TBC1D22A: variants seen among roughly 807,000 people sequenced by gnomAD.
The protein encoded by TBC1D22A is TBC1 domain family member 22A, also known as putative GTPase activator.
TBC1D22A carries 38 observed loss-of-function variants against 60.2 expected under a neutral mutation model. The ratio of observed to expected loss-of-function variants is 0.63; its 90% CI spans 0.49 to 0.83. The LOEUF (loss-of-function observed/expected upper bound fraction) is 0.83. TBC1D22A is among the 40% of genes least tolerant of loss of function. The pLI, the probability that TBC1D22A is intolerant of heterozygous loss-of-function variation, is 0.00. For synonymous variants in TBC1D22A, 302 were observed against 281.7 expected (o/e 1.07, Z -0.72); for missense variants, 628 against 701.0 (o/e 0.90, Z 1.18).
intron 11 of TBC1D22A, among the ~76,000 whole-genome samples, chr22:47,109,497 G>A (rs183136111): frequency 1.7e-4 from 26 of 152,222 alleles, no homozygotes; most frequent in Non-Finnish European, 2.8e-4. Flanking sequence ...CCTGTGGGTC[G>A]TTCAGTCCTT....
rs1007786153 is a variant in TBC1D22A at position 46,812,159 on chromosome 22, C to T, written c.637+14539C>T. On this transcript the variant is annotated intron_variant, in intron 4 of 12. Transcript: ENST00000337137. ...TATCCTGCTGTAGGGCTGGAAGTGA[C>T]GTGGGGGTGACACTTTGAAATTCAG... Among the ~76,000 whole-genome samples, 13 of 152,168 alleles carry T rather than the reference C, an allele frequency of 8.5e-5. No homozygotes were observed. The East Asian group carries it at 9.7e-4, about 11-fold the overall frequency.
intron 2 of TBC1D22A, 186 bp downstream of exon 2, chr22:46,792,762 G>A (rs752584729): frequency 8.8e-6 from 13 of 1,471,288 alleles, no homozygotes; most frequent in South Asian, 4.0e-5. Flanking sequence ...TGCGCATCCC[G>A]GTGAAGACGG....
chr22:47,079,207 C>T (rs1406280884), intron 11 of TBC1D22A, among the ~76,000 whole-genome samples: 3 of 151,726 alleles, frequency 2.0e-5, no homozygotes, highest in Non-Finnish European at 4.4e-5. Context: ...CTGTCTCAGC[C>T]TTCCTAGTTA....
chr22:47,059,729 C>G (rs932251025), intron 11 of TBC1D22A, among the ~76,000 whole-genome samples: 1 of 152,184 alleles, frequency 6.6e-6, no homozygotes, highest in African/African-American at 2.4e-5. Flanking sequence ...TGCCTGAGCT[C>G]CAGCAGCATC....
intron 4 of TBC1D22A, among the ~76,000 whole-genome samples, chr22:46,853,414 G>GA (rs1277615169): frequency 1.3e-5 from 2 of 152,068 alleles, no homozygotes; most frequent in Non-Finnish European, 1.5e-5. Flanking sequence ...TTGAACATTT[G>GA]AAAAAAATGT....
intron 11 of TBC1D22A, among the ~76,000 whole-genome samples, chr22:47,086,992 G>A (rs1202271979): frequency 6.6e-6 from 1 of 152,184 alleles, no homozygotes; most frequent in Non-Finnish European, 1.5e-5. Context: ...CTGCCACCCC[G>A]CAACTGGAGT....
At chr22:46,834,444 C>A (rs1280404407) in intron 4 of TBC1D22A, among the ~76,000 whole-genome samples, 1 of 152,038 alleles carries the variant, frequency 6.6e-6, no homozygotes, top group Non-Finnish European at 1.5e-5. Flanking sequence ...TCCATAACAC[C>A]CCTCCCTGAA....
intron 11 of TBC1D22A, among the ~76,000 whole-genome samples, chr22:47,067,684 A>G (rs1224770468): frequency 2.0e-5 from 3 of 152,150 alleles, no homozygotes; most frequent in East Asian, 3.9e-4. Flanking sequence ...ATGCCTGGGG[A>G]TGGATGCCAC....
At chr22:47,031,678 G>A (rs914024722) in intron 10 of TBC1D22A, among the ~76,000 whole-genome samples, 5 of 152,274 alleles carry the variant, frequency 3.3e-5, no homozygotes, top group African/African-American at 9.6e-5. Flanking sequence ...ATCTTGGCTC[G>A]CCTGCCTCCT....
intron 7 of TBC1D22A, among the ~76,000 whole-genome samples, chr22:46,906,932 T>A (rs2069523928): frequency 6.6e-6 from 1 of 152,166 alleles, no homozygotes; most frequent in African/African-American, 2.4e-5. Flanking sequence ...TGTGCGCGTG[T>A]GCTCTCTGTG....
chr22:47,019,003 TACTC>T (rs148416087), intron 10 of TBC1D22A, among the ~76,000 whole-genome samples: 36,502 of 152,052 alleles, frequency 0.24, 4,665 homozygotes, highest in East Asian at 0.29. Flanking sequence ...TGGAGTCAGT[TACTC>T]AGCAAGTCTT....
intron 10 of TBC1D22A, among the ~76,000 whole-genome samples, chr22:47,016,023 G>A (rs939237750): frequency 6.6e-6 from 1 of 152,158 alleles, no homozygotes; most frequent in Non-Finnish European, 1.5e-5. Flanking sequence ...GGATGGCAGA[G>A]CCACTAAGGA....
intron 10 of TBC1D22A, among the ~76,000 whole-genome samples, chr22:47,036,513 G>T (rs2062662467): frequency 6.6e-6 from 1 of 152,210 alleles, no homozygotes; most frequent in African/African-American, 2.4e-5. Flanking sequence ...CTTTCCAGAG[G>T]CCCAGCTGTG....
At chr22:46,769,770 C>A (rs2083425173) in intron 1 of TBC1D22A, among the ~76,000 whole-genome samples, 1 of 152,114 alleles carries the variant, frequency 6.6e-6, no homozygotes. Context: ...TACTGTGACA[C>A]TGTTTGTCAT....
At chr22:46,917,827 G>T (rs1447438106) in intron 8 of TBC1D22A, among the ~76,000 whole-genome samples, 1 of 152,256 alleles carries the variant, frequency 6.6e-6, no homozygotes, top group African/African-American at 2.4e-5. Flanking sequence ...TCTGTGACTC[G>T]AGGAGCTGGC....
chr22:46,813,822 A>C (rs1430766582), intron 4 of TBC1D22A, among the ~76,000 whole-genome samples: 1 of 152,226 alleles, frequency 6.6e-6, no homozygotes, highest in Admixed American at 6.5e-5. Flanking sequence ...CCACCTCCTC[A>C]GCCCAGGACT....
chr22:47,005,647 C>T (rs988920052), intron 10 of TBC1D22A, among the ~76,000 whole-genome samples: 1 of 151,256 alleles, frequency 6.6e-6, no homozygotes, highest in Non-Finnish European at 1.5e-5. Context: ...TACACACACA[C>T]ACACACCCAC....
At chr22:47,167,703 C>T (rs2068262084) in intron 12 of TBC1D22A, among the ~76,000 whole-genome samples, 2 of 152,168 alleles carry the variant, frequency 1.3e-5, no homozygotes, top group Admixed American at 6.5e-5. Flanking sequence ...TTTTTATGGG[C>T]TTTGAATGGG....
At chr22:46,775,806 G>A (rs2083679484) in intron 1 of TBC1D22A, among the ~76,000 whole-genome samples, 1 of 152,228 alleles carries the variant, frequency 6.6e-6, no homozygotes, top group Admixed American at 6.5e-5. Context: ...CACCTAGCTG[G>A]GTTTTGTCGT....
Sources: gnomAD v4.1 joint callset for allele counts (sites outside exome capture counted in the v4.1 genomes callset) on GRCh38, gnomAD v4.1.1 for gene constraint, MANE v1.5 for transcripts, NCBI Gene and HGNC (gene_info 2026-07-23, HGNC 2026-07-21) for gene names.